BAALC: variants seen among roughly 807,000 people sequenced by gnomAD.
BAALC encodes BAALC binder of MAP3K1 and KLF4, also known as brain and acute leukemia cytoplasmic protein.
BAALC carries 9 observed loss-of-function variants against 15.5 expected under a neutral mutation model. The observed-to-expected ratio is 0.58, with a 90% CI of 0.35 to 1.02. BAALC has a LOEUF of 1.02. BAALC is among the 50% of genes least tolerant of loss of function. The pLI is 0.02. For missense variants in BAALC, 201 were observed against 192.4 expected (o/e 1.04, Z -0.27); for synonymous variants, 80 against 74.6 (o/e 1.07, Z -0.37).
At chr8:103,192,016 G>C (rs1444311698) in intron 1 of BAALC, among the ~76,000 whole-genome samples, 1 of 152,118 alleles carries the variant, frequency 6.6e-6, no homozygotes, top group Non-Finnish European at 1.5e-5. Context: ...CCACAACAGA[G>C]AGTCTGGGTG....
intron 1 of BAALC, among the ~76,000 whole-genome samples, chr8:103,161,251 G>C (rs1205170377): frequency 6.6e-6 from 1 of 151,284 alleles, no homozygotes; most frequent in African/African-American, 2.4e-5. Flanking sequence ...TCATCCTATA[G>C]ATAACCATTT....
chr8:103,168,400 CAGTGTTCTTTGTT>C (rs1330370035), intron 1 of BAALC, among the ~76,000 whole-genome samples: 1 of 152,152 alleles, frequency 6.6e-6, no homozygotes, highest in African/African-American at 2.4e-5. Context: ...TCGGTTAGAT[CAGTGTTCTTTGTT>C]GGTGTTTTGT....
chr8:103,186,467 C>T (rs763566898), intron 1 of BAALC, among the ~76,000 whole-genome samples: 2 of 152,132 alleles, frequency 1.3e-5, no homozygotes, highest in Non-Finnish European at 2.9e-5. Flanking sequence ...GACATAAAAG[C>T]GCCAATAAAA....
chr8:103,182,218 G>A (rs1189131410), intron 1 of BAALC, among the ~76,000 whole-genome samples: 1 of 152,154 alleles, frequency 6.6e-6, no homozygotes, highest in East Asian at 1.9e-4. Flanking sequence ...ATTTTCTGAG[G>A]CTCCAGCCAG....
intron 1 of BAALC, among the ~76,000 whole-genome samples, chr8:103,186,881 G>A (rs898465142): frequency 7.9e-5 from 12 of 152,140 alleles, no homozygotes; most frequent in East Asian, 1.9e-4. Context: ...ATGTCCTCAG[G>A]TCCCACTGGT....
chr8:103,185,494 A>T (rs541502628), intron 1 of BAALC, among the ~76,000 whole-genome samples: 62 of 152,196 alleles, frequency 4.1e-4, no homozygotes, highest in Non-Finnish European at 7.3e-4. Flanking sequence ...TACACACATA[A>T]TTTATCAAAG....
intron 1 of BAALC, chr8:103,156,945 CAG>C (rs1401705287): frequency 6.6e-6 from 1 of 152,292 alleles, no homozygotes; most frequent in African/African-American, 2.4e-5. Context: ...CACGGGGACC[CAG>C]AGAGAGTGTG....
In BAALC at chr8:103,140,809, C is replaced by A. The variant is rs945821654; in HGVS notation, c.-89C>A. 8.4e-7 allele frequency: 1 copy of A among 1,188,796 alleles called. No homozygotes were observed. The highest frequency in any genetic ancestry group is 4.1e-5 in the South Asian group (1 of 24,594). 73.6% of individuals were successfully genotyped at this position (1,188,796 alleles called of 1,614,324 possible). On this transcript the variant is annotated 5_prime_UTR_variant, in exon 1 of 3. Transcript: ENST00000309982. The surrounding 1 kb of genome is among the most constrained non-coding windows in gnomAD (Gnocchi z 4.2). ...GGACGCGATGTCGCCGCCGCCGCCT[C>A]CTTGCGGGCCGGGGCTGCGCCTCCG...
chr8:103,220,190 T>C (rs1245576228), intron 2 of BAALC, among the ~76,000 whole-genome samples: 3 of 152,230 alleles, frequency 2.0e-5, no homozygotes, highest in East Asian at 1.9e-4. Flanking sequence ...AGGTGGGATA[T>C]GAAACCTGGG....
At chr8:103,190,614 AG>A (rs909179595) in intron 1 of BAALC, among the ~76,000 whole-genome samples, 2 of 152,230 alleles carry the variant, frequency 1.3e-5, no homozygotes, top group Non-Finnish European at 2.9e-5. Context: ...AAGCAAGTAA[AG>A]GATTTAGATT....
chr8:103,146,313 C>CTG (rs776939733), intron 1 of BAALC, among the ~76,000 whole-genome samples: 12 of 152,184 alleles, frequency 7.9e-5, no homozygotes, highest in Non-Finnish European at 1.8e-4. Context: ...CCCAGCTGGC[C>CTG]TGACTCCATC....
At position 103,140,913 on chromosome 8, in the gene BAALC, A is replaced by G. The variant is rs959387521; in HGVS notation, c.16A>G (p.Ser6Gly). Residue 6 changes from serine to glycine, a missense_variant, in exon 1 of 3, where the codon AGC (serine) becomes GGC (glycine). Coordinates refer to ENST00000309982, the MANE Select transcript of BAALC (RefSeq NM_024812.3). The surrounding 1 kb of genome is among the most constrained non-coding windows in gnomAD (Gnocchi z 4.2). ...GCGCAGGAGGATGGGCTGCGGCGGG[A>G]GCCGGGCGGATGCCATCGAGCCCCG... MGCGG[S>G]RADAIEPRYY... 4.0e-6 allele frequency: 6 copies of G among 1,516,788 alleles called. No homozygotes were observed. In the South Asian group the frequency reaches 6.2e-5, roughly 16 times the overall value. 94.0% of individuals were successfully genotyped at this position (1,516,788 alleles called of 1,614,324 possible).
At chr8:103,167,423 T>G (rs142403760) in intron 1 of BAALC, among the ~76,000 whole-genome samples, 15 of 152,320 alleles carry the variant, frequency 9.8e-5, no homozygotes, top group African/African-American at 3.6e-4. Context: ...GAGCTAGTGC[T>G]GCTGAAGAAC....
intron 1 of BAALC, chr8:103,153,198 G>A (rs1811020005): frequency 1.3e-5 from 2 of 152,192 alleles, no homozygotes; most frequent in Non-Finnish European, 2.9e-5. Flanking sequence ...AAGGAAAAAT[G>A]GGGAGAACAG....
At chr8:103,184,385 C>T (rs1363531986) in intron 1 of BAALC, among the ~76,000 whole-genome samples, 1 of 152,218 alleles carries the variant, frequency 6.6e-6, no homozygotes, top group African/African-American at 2.4e-5. Context: ...CAGAGTTGTG[C>T]TAATACACAG....
Position 103,170,370 on chromosome 8 carries a change from A to C in BAALC, c.160+29313A>C, listed in dbSNP as rs1448434682. Among the ~76,000 whole-genome samples the C allele has an allele frequency of 2.0e-5, 3 of 152,130 alleles. No individual in the cohort carries two copies. In the East Asian group the frequency reaches 5.8e-4, roughly 29 times the overall value. ...ATGTTGAAGTCCTAACTCCCAGTACATGTGAGTGTGGCCTTATTTGAAAAT... is the reference window on the plus strand; with the variant it reads ...ATGTTGAAGTCCTAACTCCCAGTACCTGTGAGTGTGGCCTTATTTGAAAAT... On this transcript the variant is annotated intron_variant, in intron 1 of 2. Transcript: ENST00000309982.
intron 1 of BAALC, chr8:103,190,900 A>G (rs1811951674): frequency 6.6e-6 from 1 of 152,240 alleles, no homozygotes; most frequent in African/African-American, 2.4e-5. Flanking sequence ...TGTGAGTTAA[A>G]TTAGTTGGAA....
chr8:103,212,677 T>C (rs1812473800), intron 1 of BAALC, among the ~76,000 whole-genome samples: 1 of 152,216 alleles, frequency 6.6e-6, no homozygotes, highest in African/African-American at 2.4e-5. Flanking sequence ...GAATATTTAA[T>C]GGTATAGAAA....
chr8:103,192,544 A>G (rs773466864), intron 1 of BAALC, among the ~76,000 whole-genome samples: 2 of 152,164 alleles, frequency 1.3e-5, no homozygotes, highest in Non-Finnish European at 2.9e-5. Context: ...AGTCAGTTGC[A>G]TTTATCAGGT....
Sources: allele counts gnomAD v4.1 joint callset (sites outside exome capture counted in the v4.1 genomes callset), GRCh38; gene constraint gnomAD v4.1.1; non-coding constraint Gnocchi (gnomAD v3.1); transcripts MANE v1.5; gene names NCBI Gene and HGNC (gene_info 2026-07-23, HGNC 2026-07-21).